Variants in PLXNA4 observed in about 807,000 individuals in gnomAD.
PLXNA4 encodes plexin A4, also known as plexin-A4.
In PLXNA4, 44 loss-of-function variants were observed where a neutral mutation model predicts 191.8. The ratio of observed to expected loss-of-function variants is 0.23; its 90% confidence interval spans 0.18 to 0.29. The LOEUF (loss-of-function observed/expected upper bound fraction) is 0.29. Among genes scored for constraint, PLXNA4 ranks in the 10% least tolerant of loss-of-function variants. PLXNA4 has a pLI of 1.00. For missense variants in PLXNA4, 1,800 were observed against 2,488.8 expected (o/e 0.72, Z 5.89); for synonymous variants, 1,082 against 1,009.5 (o/e 1.07, Z -1.36).
At chr7:132,518,946 G>A (rs1799057214) in intron 1 of PLXNA4, among the ~76,000 whole-genome samples, 1 of 152,198 alleles carries the variant, frequency 6.6e-6, no homozygotes, top group African/African-American at 2.4e-5. Context: ...GAGTCGAGCA[G>A]GAGCTCCAGC....
At chr7:132,171,042 C>T (rs1796271265) in intron 21 of PLXNA4, among the ~76,000 whole-genome samples, 1 of 152,224 alleles carries the variant, frequency 6.6e-6, no homozygotes, top group African/African-American at 2.4e-5. Context: ...GGAAGGACAA[C>T]TTTACCTTGC....
At chr7:132,161,420 C>A (rs561115647) in intron 24 of PLXNA4, among the ~76,000 whole-genome samples, 34 of 152,370 alleles carry the variant, frequency 2.2e-4, no homozygotes, top group African/African-American at 7.9e-4. Context: ...TTCCCTTCCT[C>A]CATGCTCCTT....
intron 3 of PLXNA4, among the ~76,000 whole-genome samples, chr7:132,423,853 G>A (rs1471307980): frequency 6.6e-6 from 1 of 152,128 alleles, no homozygotes; most frequent in African/African-American, 2.4e-5. Flanking sequence ...AACACATGGG[G>A]ATGGCCACAC....
intron 2 of PLXNA4, among the ~76,000 whole-genome samples, chr7:132,619,228 C>A (rs60428302): frequency 0.077 from 11,696 of 152,100 alleles, 929 homozygotes; most frequent in East Asian, 0.41. Context: ...TAGTATCAAG[C>A]CTGGAAATCA....
intron 1 of PLXNA4, among the ~76,000 whole-genome samples, chr7:132,511,197 A>T (rs780760356): frequency 1.3e-4 from 20 of 152,188 alleles, no homozygotes; most frequent in Admixed American, 2.6e-4. Flanking sequence ...TCTGTGGAGT[A>T]TTTACTGCAC....
chr7:132,479,723 C>T (rs1233869886), intron 3 of PLXNA4, among the ~76,000 whole-genome samples: 1 of 152,156 alleles, frequency 6.6e-6, no homozygotes, highest in Non-Finnish European at 1.5e-5. Context: ...GATCTCGGCT[C>T]ACTGCAACCT....
chr7:132,311,202 G>GTGC (rs1554411105), intron 3 of PLXNA4, among the ~76,000 whole-genome samples: 1 of 151,068 alleles, frequency 6.6e-6, no homozygotes, highest in South Asian at 2.1e-4. Context: ...GTGCGCGTGT[G>GTGC]GCCTAAAGGA....
intron 3 of PLXNA4, among the ~76,000 whole-genome samples, chr7:132,320,162 G>A (rs1053034975): frequency 6.6e-6 from 1 of 152,206 alleles, no homozygotes; most frequent in African/African-American, 2.4e-5. Context: ...TTTGCCGGGG[G>A]TGCCATAACA....
At chr7:132,608,454 C>CACTCA (rs1184096680) in intron 2 of PLXNA4, among the ~76,000 whole-genome samples, 1 of 152,204 alleles carries the variant, frequency 6.6e-6, no homozygotes, top group African/African-American at 2.4e-5. Context: ...ACTCGAGGAA[C>CACTCA]ACTCAGTCCA....
intron 3 of PLXNA4, among the ~76,000 whole-genome samples, chr7:132,479,611 G>C (rs1463459498): frequency 6.6e-6 from 1 of 152,170 alleles, no homozygotes. Context: ...AGTGGTTTTG[G>C]GGGGAAGAGG....
chr7:132,524,849 G>A (rs1339907125), intron 1 of PLXNA4, among the ~76,000 whole-genome samples: 1 of 152,144 alleles, frequency 6.6e-6, no homozygotes, highest in Non-Finnish European at 1.5e-5. Context: ...TTACAGGCAT[G>A]AGCCATTGTG....
intron 3 of PLXNA4, chr7:132,484,953 G>T: frequency 6.2e-7 from 1 of 1,614,096 alleles, no homozygotes; most frequent in Non-Finnish European, 8.5e-7. Flanking sequence ...GCCCCAGGTG[G>T]GTCTCCCTCC....
At chr7:132,131,040 CCTT>C in intron 31 of PLXNA4, among the ~76,000 whole-genome samples, 1 of 152,254 alleles carries the variant, frequency 6.6e-6, no homozygotes, top group Middle Eastern at 3.4e-3. Context: ...TCCATCAGCT[CCTT>C]GAGGCCCCAA....
chr7:132,593,212 T>G (rs1297967139), intron 2 of PLXNA4, among the ~76,000 whole-genome samples: 1 of 152,242 alleles, frequency 6.6e-6, no homozygotes, highest in Non-Finnish European at 1.5e-5. Context: ...CAGCGTGGGC[T>G]GTTGTGGAAT....
In PLXNA4 at chr7:132,145,242, C is replaced by A. The variant is rs1292074035; in HGVS notation, c.5102G>T (p.Ser1701Ile). The change falls in exon 29 of 32, where the codon AGC (serine) becomes ATC (isoleucine). Residue 1701 changes from serine (S) to isoleucine (I), a missense_variant. Ser to Ile is a moderately radical substitution (Grantham distance 142). This residue lies in a region of PLXNA4 where 101 missense variants were observed against 182.8 expected (regional missense o/e 0.55). Transcript: ENST00000321063. ...FVDDLFETIF[S>I]TAHRGSALPL... is the part of the protein sequence containing the mutation. ...CAGGGCAGAGCCACGGTGTGCCGTG[C>A]TGAAGATGGTCTCAAAGAGGTCATC... 1 of 1,614,102 alleles carries A rather than the reference C, an allele frequency of 6.2e-7. No individual in the cohort carries two copies. Among genetic ancestry groups the A allele is most frequent in the Non-Finnish European group, 8.5e-7 (1 of 1,180,038 alleles).
At chr7:132,354,663 G>T (rs1377024691) in intron 3 of PLXNA4, among the ~76,000 whole-genome samples, 4 of 152,122 alleles carry the variant, frequency 2.6e-5, no homozygotes, top group African/African-American at 4.8e-5. Context: ...AATTAATCAG[G>T]ACAGTGAAAG....
At chr7:132,580,029 G>A (rs796585301), upstream of PLXNA4, among the ~76,000 whole-genome samples, 17 of 152,172 alleles carry the variant, frequency 1.1e-4, no homozygotes, top group Admixed American at 3.9e-4. Flanking sequence ...AATTTGGAGC[G>A]GGTCACGTCC....
intron 2 of PLXNA4, among the ~76,000 whole-genome samples, chr7:132,639,880 C>T (rs1803680350): frequency 6.6e-6 from 1 of 152,156 alleles, no homozygotes; most frequent in Non-Finnish European, 1.5e-5. Context: ...GAAAGGGCAC[C>T]ACAGAGGAGA....
intron 3 of PLXNA4, among the ~76,000 whole-genome samples, chr7:132,459,946 GC>G (rs1190907806): frequency 1.5e-5 from 2 of 129,972 alleles, no homozygotes; most frequent in African/African-American, 3.0e-5. Context: ...TCTTCCCCAT[GC>G]CCCTCCTATA....
Sources: gnomAD v4.1 joint callset for allele counts (sites outside exome capture counted in the v4.1 genomes callset) on GRCh38, gnomAD v4.1.1 for gene constraint, gnomAD v4.1.1 regional missense constraint, MANE v1.5 for transcripts, NCBI Gene and HGNC (gene_info 2026-07-23, HGNC 2026-07-21) for gene names.